CLASP2: variants seen among roughly 807,000 people sequenced by gnomAD.
CLASP2 encodes cytoplasmic linker associated protein 2.
In CLASP2, 47 loss-of-function variants were observed where a neutral mutation model predicts 194.4. That is an observed-to-expected ratio of 0.24 (90% CI 0.19 to 0.31). The LOEUF (loss-of-function observed/expected upper bound fraction) is 0.31, where lower values mean the gene tolerates loss of function less well. CLASP2 is among the 10% of genes least tolerant of loss of function. The pLI, the probability that CLASP2 is intolerant of heterozygous loss-of-function variation, is 1.00. For missense variants in CLASP2, 1,445 were observed against 1,823.6 expected, an observed-to-expected ratio of 0.79 and a Z score of 3.78; for synonymous variants, 619 against 633.5, an observed-to-expected ratio of 0.98 and a Z score of 0.34.
intron 1 of CLASP2, among the ~76,000 whole-genome samples, chr3:33,698,804 A>G (rs2092158391): frequency 6.6e-6 from 1 of 152,196 alleles, no homozygotes; most frequent in Non-Finnish European, 1.5e-5. Flanking sequence ...TAAACATCTT[A>G]AACACTGTCC....
intron 6 of CLASP2, among the ~76,000 whole-genome samples, chr3:33,675,107 T>C (rs1479296432): frequency 2.0e-5 from 3 of 152,174 alleles, no homozygotes; most frequent in African/African-American, 7.2e-5. Flanking sequence ...ATCATCCTGA[T>C]ACCAAAGCCG....
At chr3:33,610,678 C>T (rs1010183631) in intron 13 of CLASP2, among the ~76,000 whole-genome samples, 3 of 152,192 alleles carry the variant, frequency 2.0e-5, no homozygotes, top group South Asian at 4.1e-4. Flanking sequence ...TATTCTTCAC[C>T]CCCATCCCCT....
chr3:33,631,866 T>C (rs1314567918), intron 9 of CLASP2, among the ~76,000 whole-genome samples: 1 of 151,806 alleles, frequency 6.6e-6, no homozygotes, highest in East Asian at 1.9e-4. Context: ...AAAAAAGCAC[T>C]GAGTAAAAAG....
chr3:33,606,875 T>C, intron 15 of CLASP2, 117 bp from the exon 16 acceptor site: 1 of 737,858 alleles, frequency 1.4e-6, no homozygotes. Context: ...CATTATCTGA[T>C]ATTTGTCAGG....
rs1466631575 is a variant in CLASP2, at chr3:33,584,945, T to C, written c.2069-25A>G. On this transcript the variant is annotated intron_variant, in intron 21 of 38. Transcript: ENST00000682230. ...GCTGAACACCAAACACATATACAAA[T>C]GTTAACATGTAAATGCCAAGAGAAT... 7.7e-6 allele frequency: 12 copies of C among 1,560,594 alleles called. No homozygotes were observed. The South Asian group carries it at 1.2e-4, about 16-fold the overall frequency.
At chr3:33,604,309 ATTTCT>A (rs1253857638) in intron 16 of CLASP2, 100 bp from the exon 17 acceptor site, 13 of 767,714 alleles carry the variant, frequency 1.7e-5, no homozygotes, top group Non-Finnish European at 1.3e-5. Context: ...GTTGAGAAGT[ATTTCT>A]TTTTTCTTTT....
intron 6 of CLASP2, among the ~76,000 whole-genome samples, chr3:33,665,724 T>C (rs2086062911): frequency 6.6e-6 from 1 of 152,238 alleles, no homozygotes; most frequent in Admixed American, 6.5e-5. Context: ...AGTATAATTT[T>C]CTACGTGGCC....
At chr3:33,557,683 C>G (rs1318808982) in intron 29 of CLASP2, among the ~76,000 whole-genome samples, 2 of 152,104 alleles carry the variant, frequency 1.3e-5, no homozygotes, top group African/African-American at 4.8e-5. Flanking sequence ...AGCACACTGC[C>G]TTGGTCATAA....
intron 19 of CLASP2, chr3:33,596,473 A>G (rs992979578): frequency 1.8e-5 from 7 of 398,044 alleles, no homozygotes; most frequent in South Asian, 1.1e-4. Flanking sequence ...CAAACATTTT[A>G]TAAGTTAAAA....
At chr3:33,545,926 G>C (rs560083112) in intron 30 of CLASP2, among the ~76,000 whole-genome samples, 1 of 151,118 alleles carries the variant, frequency 6.6e-6, no homozygotes, top group Non-Finnish European at 1.5e-5. Context: ...AAAAAAAAGA[G>C]TGTTATGAGC....
chr3:33,673,377 C>T (rs930273960), intron 6 of CLASP2, among the ~76,000 whole-genome samples: 1 of 152,174 alleles, frequency 6.6e-6, no homozygotes, highest in African/African-American at 2.4e-5. Context: ...AAATACTTTA[C>T]AGACAAGCAA....
At chr3:33,559,237 A>G in intron 29 of CLASP2, 70 bp downstream of exon 29, 1 of 994,968 alleles carries the variant, frequency 1.0e-6, no homozygotes. Context: ...AGAAATACAA[A>G]TATCAACATA....
At chr3:33,644,078 C>G (rs566071883) in intron 8 of CLASP2, among the ~76,000 whole-genome samples, 1 of 151,884 alleles carries the variant, frequency 6.6e-6, no homozygotes, top group Non-Finnish European at 1.5e-5. Flanking sequence ...AAACTAACAC[C>G]GGAAATATAC....
At chr3:33,652,966 C>T (rs2083466103) in intron 7 of CLASP2, among the ~76,000 whole-genome samples, 2 of 152,188 alleles carry the variant, frequency 1.3e-5, no homozygotes, top group African/African-American at 4.8e-5. Flanking sequence ...ATTGTCTCTG[C>T]CTATACTACT....
At chr3:33,616,306 A>G (rs1463901516) in intron 12 of CLASP2, among the ~76,000 whole-genome samples, 1 of 152,172 alleles carries the variant, frequency 6.6e-6, no homozygotes, top group Non-Finnish European at 1.5e-5. Flanking sequence ...TGGAAATGTT[A>G]TTATATAATC....
chr3:33,532,423 T>A (rs1208901315), intron 34 of CLASP2, among the ~76,000 whole-genome samples: 1 of 152,168 alleles, frequency 6.6e-6, no homozygotes, highest in Non-Finnish European at 1.5e-5. Flanking sequence ...TTTTACAACC[T>A]GAAAAGAGTT....
intron 1 of CLASP2, among the ~76,000 whole-genome samples, chr3:33,704,079 T>C (rs747147733): frequency 1.4e-4 from 21 of 152,104 alleles, no homozygotes; most frequent in Non-Finnish European, 2.9e-4. Context: ...CTGCCAGGGA[T>C]TGGGGAAGGA....
At position 33,560,912 on chromosome 3, in the gene CLASP2, A is replaced by G. The variant is rs2154178561; in HGVS notation, c.2826T>C (p.Leu942=). The stretch of plus-strand genomic sequence containing the variant: ...TCAGCAGTACAAACAACCAATCTTG[A>G]AGATCATCTTTGTGGACTTGTATGA... ...VDFIQVHKDD[L]QDWLFVLLTQ... The change falls in exon 28 of 39, where the codon CTT becomes CTC. Residue 942 remains leucine, a synonymous_variant. Transcript: ENST00000682230. 2 of 1,613,964 alleles carry G rather than the reference A, an allele frequency of 1.2e-6. No individual in the cohort carries two copies. The highest frequency in any genetic ancestry group is 2.2e-5 in the East Asian group (1 of 44,884).
chr3:33,545,387 G>C (rs1220011753), intron 30 of CLASP2, among the ~76,000 whole-genome samples: 3 of 152,176 alleles, frequency 2.0e-5, no homozygotes, highest in Non-Finnish European at 2.9e-5. Context: ...ATTAAGGAGA[G>C]AGAAACTCAA....
Sources: gnomAD v4.1 joint callset for allele counts (sites outside exome capture counted in the v4.1 genomes callset) on GRCh38, gnomAD v4.1.1 for gene constraint, MANE v1.5 for transcripts, NCBI Gene and HGNC (gene_info 2026-07-23, HGNC 2026-07-21) for gene names.